The following ADH1A variants were observed in gnomAD, a reference collection of about 807,000 sequenced individuals.
ADH1A encodes alcohol dehydrogenase 1A (class I), alpha polypeptide.
In ADH1A, 29 loss-of-function variants were observed where a neutral mutation model predicts 35.2. That is an observed-to-expected ratio of 0.82 (90% confidence interval 0.61 to 1.12). The LOEUF is 1.12. Among genes scored for constraint, ADH1A ranks in the 50% most tolerant of loss-of-function variants. ADH1A has a pLI of 0.00. For synonymous variants in ADH1A, 147 were observed against 164.8 expected, an observed-to-expected ratio of 0.89 and a Z score of 0.83; for missense variants, 469 against 464.7, an observed-to-expected ratio of 1.01 and a Z score of -0.09.
chr4:99,280,770 T>G (rs1342991631), intron 6 of ADH1A, among the ~76,000 whole-genome samples: 1 of 152,206 alleles, frequency 6.6e-6, no homozygotes, highest in African/African-American at 2.4e-5. Flanking sequence ...TGTAATGGAT[T>G]CCTGTTCTAC....
chr4:99,287,160 C>T, intron 2 of ADH1A, 172 bp from the exon 3 acceptor site: 1 of 729,684 alleles, frequency 1.4e-6, no homozygotes, highest in Non-Finnish European at 2.1e-6. Flanking sequence ...AGGCTGAAAC[C>T]CTCCTCTACC....
Position 99,279,459 on chromosome 4 carries a change from T to C in ADH1A, c.1070A>G (p.Asn357Ser), listed in dbSNP as rs756375730. Reference sequence around the variant, plus strand: ...AGAGTGAAGCAGGTCAAATCCTTCATTTATTTTTTCAAAAGGTAAAACATG... The same window carrying C: ...AGAGTGAAGCAGGTCAAATCCTTCACTTATTTTTTCAAAAGGTAAAACATG... ...ITHVLPFEKI[N>S]EGFDLLHSGK... The change falls in exon 8 of 9, where the codon AAT becomes AGT. Residue 357 changes from asparagine (N) to serine (S), a missense_variant. Transcript: ENST00000209668. The C allele has an allele frequency of 1.2e-5, 20 of 1,608,026 alleles. No individual in the cohort carries two copies. The highest frequency in any genetic ancestry group is 1.7e-5 in the Non-Finnish European group (20 of 1,178,414).
At chr4:99,283,869 A>G (rs1733066323) in intron 5 of ADH1A, among the ~76,000 whole-genome samples, 1 of 152,188 alleles carries the variant, frequency 6.6e-6, no homozygotes, top group South Asian at 2.1e-4. Context: ...ATTACGCATC[A>G]CTGAAGCGTC....
At chr4:99,284,656 A>G in intron 4 of ADH1A, 38 bp from the exon 5 acceptor site, 1 of 1,613,632 alleles carries the variant, frequency 6.2e-7, no homozygotes, top group African/African-American at 1.3e-5. Context: ...AAGGCATGAG[A>G]CAGGACCATA....
Position 99,278,366 on chromosome 4 carries a change from A to G in ADH1A, c.1103+1060T>C, listed in dbSNP as rs560047221. ...GAGATATTTGCTAACAACAAGATCTACCTTTGAATTCTGGCTCTCCTTCCT... is the reference window on the plus strand; with the variant it reads ...GAGATATTTGCTAACAACAAGATCTGCCTTTGAATTCTGGCTCTCCTTCCT... On this transcript the variant is annotated intron_variant, in intron 8 of 8. Coordinates refer to ENST00000209668, the MANE Select transcript of ADH1A (RefSeq NM_000667.4). 4.6e-5 allele frequency: 7 copies of G among 152,206 alleles called. No individual in the cohort carries two copies. In the East Asian group the frequency reaches 9.7e-4, roughly 21 times the overall value. 9.4% of individuals were successfully genotyped at this position (152,206 alleles called of 1,614,324 possible).
At position 99,286,981 on chromosome 4, in the gene ADH1A, G is replaced by T; in HGVS notation, c.128C>A (p.Ala43Asp). The T allele has an allele frequency of 6.2e-7, 1 of 1,613,930 alleles. No individual in the cohort carries two copies. The change falls in exon 3 of 9, where the codon GCT (alanine) becomes GAT (aspartate). Residue 43 changes from alanine to aspartate, a missense_variant. Ala to Asp is a moderately radical substitution (Grantham distance 126). Coordinates refer to ENST00000209668, the MANE Select transcript of ADH1A (RefSeq NM_000667.4). ...KAHEVRIKMV[A>D]VGICGTDDHV... ...GTCATCTGTGCCACAGATTCCTACAGCCACCATCTACAGAGTGAAGAGAAG... is the reference window on the plus strand; with the variant it reads ...GTCATCTGTGCCACAGATTCCTACATCCACCATCTACAGAGTGAAGAGAAG...
At chr4:99,287,794 G>C (rs1733193055) in intron 1 of ADH1A, 129 bp from the exon 2 acceptor site, 4 of 904,326 alleles carry the variant, frequency 4.4e-6, no homozygotes, top group Non-Finnish European at 6.7e-6. Flanking sequence ...CTATAGAAAT[G>C]ATCACCTCTG....
chr4:99,288,590 A>G (rs1232858567), intron 1 of ADH1A: 1 of 152,220 alleles, frequency 6.6e-6, no homozygotes, highest in African/African-American at 2.4e-5. Context: ...TGCAATTATG[A>G]TAAAAATTCA....
chr4:99,285,963 A>G (rs1436444390), intron 3 of ADH1A, among the ~76,000 whole-genome samples: 2 of 143,030 alleles, frequency 1.4e-5, no homozygotes, highest in African/African-American at 5.2e-5. Context: ...TGGAGGTTGC[A>G]GTGAGCTGAG....
intron 5 of ADH1A, among the ~76,000 whole-genome samples, 193 bp downstream of exon 5, chr4:99,284,206 T>C (rs28364314): frequency 0.021 from 3,144 of 152,270 alleles, 59 homozygotes; most frequent in Non-Finnish European, 0.033. Flanking sequence ...TTCTAAACTC[T>C]CAACAACTTT....
chr4:99,283,404 G>T (rs541784491), intron 5 of ADH1A, among the ~76,000 whole-genome samples: 1 of 151,994 alleles, frequency 6.6e-6, no homozygotes, highest in Non-Finnish European at 1.5e-5. Flanking sequence ...CCCATAGTCC[G>T]CCTTCATTTT....
intron 7 of ADH1A, among the ~76,000 whole-genome samples, 188 bp from the exon 8 acceptor site, chr4:99,279,752 AC>A (rs1732952561): frequency 6.6e-6 from 1 of 152,212 alleles, no homozygotes; most frequent in Non-Finnish European, 1.5e-5. Context: ...TCACAGATAA[AC>A]AAGGGTCCCT....
chr4:99,276,779 C>G (rs1383631437), intron 8 of ADH1A, 131 bp from the exon 9 acceptor site: 2 of 829,564 alleles, frequency 2.4e-6, no homozygotes, highest in African/African-American at 1.7e-5. Context: ...CCCATGCATT[C>G]GGGTCAAGTG....
At chr4:99,281,989 A>G (rs1473802259) in intron 6 of ADH1A, 1 of 264,238 alleles carries the variant, frequency 3.8e-6, no homozygotes, top group East Asian at 8.2e-5. Context: ...TTTTGTTAAG[A>G]ATGTGGCAGA....
intron 6 of ADH1A, among the ~76,000 whole-genome samples, chr4:99,280,709 T>G (rs1579489511): frequency 6.6e-6 from 1 of 152,132 alleles, no homozygotes; most frequent in East Asian, 1.9e-4. Context: ...GGAAACAAGA[T>G]AAATGATTAT....
At chr4:99,283,374 A>C (rs1733052614) in intron 5 of ADH1A, among the ~76,000 whole-genome samples, 1 of 152,166 alleles carries the variant, frequency 6.6e-6, no homozygotes, top group South Asian at 2.1e-4. Context: ...TGGCCAGGGG[A>C]TATTTATTAA....
chr4:99,282,718 T>A, intron 5 of ADH1A, 112 bp from the exon 6 acceptor site: 2 of 1,491,696 alleles, frequency 1.3e-6, no homozygotes, highest in Non-Finnish European at 1.8e-6. Context: ...TCAAAACCTC[T>A]TTTGGCTTCA....
chr4:99,290,977 C>CACTTGAGCAGGG lies in ADH1A; in HGVS notation c.-64_-63insCCCTGCTCAAGT. 2 of 1,570,336 alleles carry CACTTGAGCAGGG rather than the reference C, an allele frequency of 1.3e-6. No individual in the cohort carries two copies. The highest frequency in any genetic ancestry group is 1.3e-5 in the African/African-American group (1 of 74,136). On this transcript the variant is annotated 5_prime_UTR_variant, in exon 1 of 9. Transcript: ENST00000209668. ...AGTCCTTGTGGATTTCTTCCCTGCT[C>CACTTGAGCAGGG]AAGTGCATAAAGCAGGTGTATTGCA...
rs185561592 is a variant in ADH1A at position 99,280,428 on chromosome 4, A to G, written c.829-149T>C. 9.7e-5 allele frequency: 133 copies of G among 1,365,762 alleles called. No individual in the cohort carries two copies. In the African/African-American group the frequency reaches 1.8e-3, roughly 18 times the overall value. The allele number at this position is 1,365,762 out of a possible 1,614,324, so 84.6% of individuals were successfully genotyped here. A position where few individuals can be genotyped will look rare whatever the true frequency, so the allele number is the denominator to read the frequency against. On this transcript the variant is annotated intron_variant, in intron 6 of 8. Transcript: ENST00000209668. ...TTGCTCCTTCAGTCCCCTTTTTTGC[A>G]CGGGATAGTGCTGTGGATTTAGGAA...
Sources: allele counts gnomAD v4.1 joint callset (sites outside exome capture counted in the v4.1 genomes callset), GRCh38; gene constraint gnomAD v4.1.1; transcripts MANE v1.5; gene names NCBI Gene and HGNC (gene_info 2026-07-23, HGNC 2026-07-21).